The following TEX11 variants were observed in gnomAD, a reference collection of about 807,000 sequenced individuals.
TEX11 encodes the protein testis-expressed protein 11.
Under a neutral mutation model 84.4 loss-of-function variants are expected in TEX11, and 7 were observed. The ratio of observed to expected loss-of-function variants is 0.08; its 90% CI spans 0.05 to 0.16. The LOEUF (loss-of-function observed/expected upper bound fraction) is 0.16, where lower values mean the gene tolerates loss of function less well. TEX11 is among the 10% of genes least tolerant of loss of function. TEX11 has a pLI of 1.00. For synonymous variants in TEX11, 264 were observed against 222.8 expected (o/e 1.18, Z -1.64); for missense variants, 551 against 660.5 (o/e 0.83, Z 1.82).
At chrX:70,742,343 A>T (rs925242962) in intron 10 of TEX11, among the ~76,000 whole-genome samples, 6 of 105,345 alleles carry the variant, frequency 5.7e-5, no homozygotes, top group Admixed American at 2.1e-4. Flanking sequence ...ATGTCACTAT[A>T]TATAAATATA....
intron 7 of TEX11, among the ~76,000 whole-genome samples, chrX:70,837,998 G>A (rs1282278504): frequency 8.9e-6 from 1 of 112,463 alleles, no homozygotes; most frequent in Non-Finnish European, 1.9e-5. Context: ...GTTTTATATT[G>A]CACTATATGT....
intron 25 of TEX11, among the ~76,000 whole-genome samples, chrX:70,569,230 T>A (rs5936571): frequency 0.43 from 47,597 of 111,041 alleles, 8,389 homozygotes; most frequent in East Asian, 0.6. Context: ...CTTCACGTAG[T>A]TCTTGAGCCT....
At chrX:70,733,617 A>T (rs112664779) in intron 11 of TEX11, among the ~76,000 whole-genome samples, 13,005 of 111,436 alleles carry the variant, frequency 0.12, 669 homozygotes, top group Middle Eastern at 0.2. Flanking sequence ...ACCATCTCAC[A>T]CCAGTTAGAA....
At chrX:70,645,964 G>A (rs756539867) in intron 17 of TEX11, among the ~76,000 whole-genome samples, 14 of 110,374 alleles carry the variant, frequency 1.3e-4, no homozygotes, top group East Asian at 8.5e-4. Flanking sequence ...ACTAGCTATC[G>A]CAATCTTGAG....
intron 9 of TEX11, among the ~76,000 whole-genome samples, chrX:70,805,248 A>G (rs772068025): frequency 9.0e-6 from 1 of 110,806 alleles, no homozygotes; most frequent in Admixed American, 9.7e-5. Flanking sequence ...CCAGATTTGT[A>G]TTTATTTTGT....
chrX:70,842,069 C>T (rs1172575854), intron 7 of TEX11, among the ~76,000 whole-genome samples: 1 of 110,014 alleles, frequency 9.1e-6, no homozygotes, highest in African/African-American at 3.3e-5. Context: ...GGAGCTGGTA[C>T]CATTCCTTCT....
At chrX:70,676,849 G>A (rs1359742469) in intron 15 of TEX11, among the ~76,000 whole-genome samples, 2 of 111,430 alleles carry the variant, frequency 1.8e-5, no homozygotes, top group East Asian at 2.8e-4. Context: ...CTTCTACAAT[G>A]TCTAATATGA....
chrX:70,710,603 C>A (rs989726175), intron 13 of TEX11, among the ~76,000 whole-genome samples: 1 of 107,358 alleles, frequency 9.3e-6, no homozygotes, highest in African/African-American at 3.4e-5. Flanking sequence ...GAGAATGAGC[C>A]ACAGACCAAC....
intron 28 of TEX11, among the ~76,000 whole-genome samples, chrX:70,546,355 G>T (rs1394330475): frequency 3.6e-5 from 4 of 111,617 alleles, no homozygotes; most frequent in Non-Finnish European, 7.5e-5. Flanking sequence ...TTCTCAGCAT[G>T]ACCAAAACAC....
chrX:70,572,003 A>G (rs1229854811), intron 25 of TEX11, among the ~76,000 whole-genome samples: 1 of 111,565 alleles, frequency 9.0e-6, no homozygotes, highest in Non-Finnish European at 1.9e-5. Flanking sequence ...AAATTGACAA[A>G]TGGGATCTAA....
chrX:70,805,425 C>T (rs1188394457), intron 9 of TEX11, among the ~76,000 whole-genome samples: 1 of 99,965 alleles, frequency 1.0e-5, no homozygotes, highest in Non-Finnish European at 2.0e-5. Flanking sequence ...TTTTTTGAGA[C>T]GGAGTCTCTC....
intron 9 of TEX11, among the ~76,000 whole-genome samples, chrX:70,751,006 A>G (rs1412932752): frequency 1.1e-5 from 1 of 92,538 alleles, no homozygotes; most frequent in Non-Finnish European, 2.2e-5. Context: ...GATGTGGAGA[A>G]ATAGGAACAC....
intron 5 of TEX11, among the ~76,000 whole-genome samples, chrX:70,855,190 G>C (rs2091529382): frequency 9.0e-6 from 1 of 110,840 alleles, no homozygotes. Context: ...GGGATGGGGA[G>C]GTAACATGAT....
intron 8 of TEX11, among the ~76,000 whole-genome samples, chrX:70,814,719 G>A (rs2091277000): frequency 8.9e-6 from 1 of 112,804 alleles, no homozygotes; most frequent in Non-Finnish European, 1.9e-5. Flanking sequence ...AATCTTGAAC[G>A]AATTACTTCA....
intron 9 of TEX11, among the ~76,000 whole-genome samples, chrX:70,750,946 A>ATATATG (rs1396722138): frequency 1.5e-5 from 1 of 67,121 alleles, no homozygotes; most frequent in African/African-American, 6.8e-5. Flanking sequence ...ATATATATAT[A>ATATATG]TATATATATA....
At chrX:70,649,647 A>C (rs1270200262) in intron 17 of TEX11, among the ~76,000 whole-genome samples, 2 of 111,844 alleles carry the variant, frequency 1.8e-5, no homozygotes, top group African/African-American at 6.5e-5. Flanking sequence ...GGTGGTGCAC[A>C]CCTGTAGTCC....
intron 28 of TEX11, 143 bp from the exon 29 acceptor site, chrX:70,530,142 T>G (rs2087867405): frequency 2.0e-6 from 1 of 506,927 alleles, no homozygotes; most frequent in Non-Finnish European, 3.2e-6. Context: ...TCCTGGAGAG[T>G]GCAGGAGGAG....
chrX:70,646,222 A>G lies in TEX11; in HGVS notation c.1483+5228T>C, dbSNP rs145510093. Among the ~76,000 whole-genome samples, 850 of 112,443 alleles carry G rather than the reference A, an allele frequency of 7.6e-3. 7 individuals are homozygous for G. The highest frequency in any genetic ancestry group is 0.026 in the African/African-American group (810 of 31,034). On this transcript the variant is annotated intron_variant, in intron 17 of 29. Coordinates refer to ENST00000374333, the MANE Select transcript of TEX11 (RefSeq NM_031276.3). ...TTGGTAAAACTGGATACCCACATGCAGAAGAATAAAATTTGACCCTTTTCT... is the reference window on the plus strand; with the variant it reads ...TTGGTAAAACTGGATACCCACATGCGGAAGAATAAAATTTGACCCTTTTCT...
At chrX:70,578,323 G>T (rs2088707895) in intron 25 of TEX11, among the ~76,000 whole-genome samples, 1 of 112,091 alleles carries the variant, frequency 8.9e-6, no homozygotes, top group South Asian at 3.7e-4. Flanking sequence ...TGACCATTTG[G>T]TGGTCTTTGT....
Sources: allele counts gnomAD v4.1 joint callset (sites outside exome capture counted in the v4.1 genomes callset), GRCh38; gene constraint gnomAD v4.1.1; transcripts MANE v1.5; gene names NCBI Gene and HGNC (gene_info 2026-07-23, HGNC 2026-07-21).